LYST: variants seen among roughly 807,000 people sequenced by gnomAD.
LYST encodes lysosomal trafficking regulator.
LYST carries 192 observed loss-of-function variants against 413.6 expected under a neutral mutation model. The ratio of observed to expected loss-of-function variants is 0.46; its 90% CI spans 0.41 to 0.52. LYST has a LOEUF of 0.52. Ranked by LOEUF, LYST falls within the 20% of genes least tolerant of loss-of-function variation. The pLI is 0.00. For synonymous variants in LYST, 1,525 were observed against 1,567.3 expected (o/e 0.97, Z 0.64); for missense variants, 3,815 against 4,499.9 (o/e 0.85, Z 4.35).
At chr1:235,828,439 C>A (rs914151770) in intron 3 of LYST, among the ~76,000 whole-genome samples, 1 of 151,998 alleles carries the variant, frequency 6.6e-6, no homozygotes, top group African/African-American at 2.4e-5. Context: ...AATTATATCT[C>A]AATAATGTTA....
chr1:235,821,446 C>T (rs1327100362), intron 3 of LYST, among the ~76,000 whole-genome samples: 1 of 149,874 alleles, frequency 6.7e-6, no homozygotes, highest in East Asian at 1.9e-4. Context: ...GACCCTGCCT[C>T]GAAAAAGAAA....
rs141799480 is a variant in LYST, at chr1:235,804,392, C to G, written c.3555+112G>C. Reference sequence around the variant, plus strand: ...ATAAGATCCACTGAACTCATCTGACCAAGTCCTAGTCCATATGCTCTAATG... The same window carrying G: ...ATAAGATCCACTGAACTCATCTGACGAAGTCCTAGTCCATATGCTCTAATG... On this transcript the variant is annotated intron_variant, in intron 7 of 52. Transcript: ENST00000389793. 2.1e-3 allele frequency: 1,769 copies of G among 849,916 alleles called. 23 individuals carry two copies. In the African/African-American group the frequency reaches 0.026, roughly 12 times the overall value. The allele number at this position is 849,916 out of a possible 1,614,324, so 52.6% of individuals were successfully genotyped here.
At position 235,806,656 on chromosome 1, in the gene LYST, A is replaced by G; in HGVS notation, c.2480T>C (p.Leu827Pro). The change falls in exon 6 of 53, where the codon CTA becomes CCA. Residue 827 changes from leucine (L) to proline (P), a missense_variant. Coordinates refer to ENST00000389793, the MANE Select transcript of LYST (RefSeq NM_000081.4). ...TGAGGCATCTTTCTGTTGCTCCCCT[A>G]GGCTGATTATCAGAGTTTCAAATGC... ...LKAFETLIIS[L>P]GEQQKDASVP... The G allele has an allele frequency of 6.2e-7, 1 of 1,613,916 alleles. No homozygotes were observed. Among genetic ancestry groups the G allele is most frequent in the African/African-American group, 1.3e-5 (1 of 75,042 alleles).
At chr1:235,740,912 T>C (rs930846101) in intron 31 of LYST, among the ~76,000 whole-genome samples, 17 of 152,348 alleles carry the variant, frequency 1.1e-4, no homozygotes, top group Admixed American at 2.0e-4. Flanking sequence ...AATGTACCTT[T>C]TAAACTTTCC....
intron 18 of LYST, 88 bp downstream of exon 18, chr1:235,774,825 A>T: frequency 1.1e-6 from 1 of 874,722 alleles, no homozygotes; most frequent in Non-Finnish European, 1.8e-6. Flanking sequence ...GGAATAACTG[A>T]AATACAAAAC....
intron 3 of LYST, chr1:235,828,035 A>C: frequency 6.6e-6 from 3 of 453,132 alleles, no homozygotes; most frequent in Non-Finnish European, 8.7e-6. Context: ...CAACATCATT[A>C]GTTGTTAGAG....
chr1:235,754,380 G>A (rs1260828223), intron 25 of LYST, among the ~76,000 whole-genome samples: 2 of 151,600 alleles, frequency 1.3e-5, no homozygotes, highest in Non-Finnish European at 2.9e-5. Flanking sequence ...TTACATGAAT[G>A]TGCCACCACG....
chr1:235,865,115 T>C (rs1680352535), intron 1 of LYST, among the ~76,000 whole-genome samples: 1 of 152,232 alleles, frequency 6.6e-6, no homozygotes, highest in Non-Finnish European at 1.5e-5. Flanking sequence ...TCAGCCTCTC[T>C]GCTGTCCTCA....
At chr1:235,730,098 T>G (rs529781787) in intron 36 of LYST, among the ~76,000 whole-genome samples, 2 of 151,922 alleles carry the variant, frequency 1.3e-5, no homozygotes, top group African/African-American at 2.4e-5. Context: ...ATCAAATACA[T>G]TTTTAAAAAA....
Position 235,668,832 on chromosome 1 carries a change from C to A in LYST, c.11039-4211G>T, listed in dbSNP as rs550341879. The stretch of plus-strand genomic sequence containing the variant: ...GAAATAAAAAATCATCAATCATTTG[C>A]GCAAACTTGTACTACCAAAGTCAAC... On this transcript the variant is annotated intron_variant, in intron 50 of 52. Coordinates refer to ENST00000389793, the MANE Select transcript of LYST (RefSeq NM_000081.4). 5.9e-5 allele frequency among the ~76,000 whole-genome samples: 9 copies of A among 152,282 alleles called. No homozygotes were observed. In the East Asian group the frequency reaches 1.7e-3, roughly 29 times the overall value.
chr1:235,882,551 T>A (rs78106418), intron 1 of LYST, among the ~76,000 whole-genome samples: 1 of 152,174 alleles, frequency 6.6e-6, no homozygotes, highest in Non-Finnish European at 1.5e-5. Flanking sequence ...AGGAGACTCT[T>A]GCAGTAGCCC....
intron 46 of LYST, among the ~76,000 whole-genome samples, chr1:235,696,314 A>G (rs1394381884): frequency 6.6e-6 from 1 of 152,252 alleles, no homozygotes; most frequent in Non-Finnish European, 1.5e-5. Flanking sequence ...CCCAAAGAGC[A>G]CAGTGCACAG....
chr1:235,741,694 A>G (rs1665416690), intron 30 of LYST, 66 bp from the exon 31 acceptor site: 13 of 1,141,368 alleles, frequency 1.1e-5, no homozygotes, highest in South Asian at 1.1e-4. Context: ...GCTAGCCTCA[A>G]CACAGCCCTA....
intron 1 of LYST, among the ~76,000 whole-genome samples, chr1:235,848,036 G>C (rs1412583400): frequency 6.6e-6 from 1 of 152,082 alleles, no homozygotes; most frequent in African/African-American, 2.4e-5. Context: ...AAATGGACTT[G>C]ACAGATATAT....
chr1:235,850,601 T>C lies in LYST; in HGVS notation c.-98+16242A>G, dbSNP rs112831882. Among the ~76,000 whole-genome samples the C allele has an allele frequency of 8.6e-3, 1,303 of 152,032 alleles. 21 individuals are homozygous for C. Among genetic ancestry groups the C allele is most frequent in the African/African-American group, 0.03 (1,240 of 41,460 alleles). On this transcript the variant is annotated intron_variant, in intron 1 of 52. Transcript: ENST00000389793. Reference sequence around the variant, plus strand: ...CAGAGTAAACAAACAACCCACAGAATTGGGAGAAAATCTTCACAATCTATA... The same window carrying C: ...CAGAGTAAACAAACAACCCACAGAACTGGGAGAAAATCTTCACAATCTATA...
intron 1 of LYST, among the ~76,000 whole-genome samples, chr1:235,857,742 TACACACACACACACACACACACAC>T (rs56208034): frequency 7.7e-6 from 1 of 129,272 alleles, no homozygotes; most frequent in Non-Finnish European, 1.6e-5. Context: ...CATATGTAAA[TACACACACACACACACACACACAC>T]ACACACACAC....
intron 48 of LYST, among the ~76,000 whole-genome samples, chr1:235,680,669 G>T (rs1469675435): frequency 6.6e-6 from 1 of 151,870 alleles, no homozygotes; most frequent in Non-Finnish European, 1.5e-5. Flanking sequence ...CGCAACCTTG[G>T]CCCACTGCAA....
At chr1:235,761,801 C>T (rs1667616250) in intron 22 of LYST, among the ~76,000 whole-genome samples, 2 of 151,348 alleles carry the variant, frequency 1.3e-5, no homozygotes, top group Admixed American at 1.3e-4. Flanking sequence ...AGATGGGAGG[C>T]TGTCAATTAG....
At chr1:235,707,875 G>A (rs575545548) in intron 44 of LYST, among the ~76,000 whole-genome samples, 1 of 151,908 alleles carries the variant, frequency 6.6e-6, no homozygotes, top group Non-Finnish European at 1.5e-5. Flanking sequence ...GGTTTTTTTG[G>A]GGGGGGATTT....
Sources: gnomAD v4.1 joint callset for allele counts (sites outside exome capture counted in the v4.1 genomes callset) on GRCh38, gnomAD v4.1.1 for gene constraint, MANE v1.5 for transcripts, NCBI Gene and HGNC (gene_info 2026-07-23, HGNC 2026-07-21) for gene names.